ZNF892: variants seen among roughly 807,000 people sequenced by gnomAD.
ZNF892 encodes the protein zinc finger protein 570-like.
the ZNF892 span, among the ~76,000 whole-genome samples, chr2:95,206,683 G>C: frequency 2.0e-5 from 3 of 152,114 alleles, no homozygotes; most frequent in African/African-American, 4.8e-5. Context: ...GAAAAATCCT[G>C]GGAACTTCAT....
the ZNF892 span, among the ~76,000 whole-genome samples, chr2:95,206,971 G>A: frequency 6.6e-6 from 1 of 152,060 alleles, no homozygotes; most frequent in African/African-American, 2.4e-5. Context: ...AGACCTCCAG[G>A]CTCCAGCCTC....
the ZNF892 span, among the ~76,000 whole-genome samples, chr2:95,237,736 GT>G: frequency 6.6e-6 from 1 of 152,362 alleles, no homozygotes; most frequent in South Asian, 2.1e-4. Flanking sequence ...CAAAGGAAAA[GT>G]TTTTGAAGAA....
chr2:95,257,765 T>C, the ZNF892 span, among the ~76,000 whole-genome samples: 1 of 152,194 alleles, frequency 6.6e-6, no homozygotes. Flanking sequence ...GCCTCGGCAG[T>C]GGCGGGCGCC....
chr2:95,249,231 ATTTTTTTTTTTT>A, the ZNF892 span, among the ~76,000 whole-genome samples: 29 of 57,090 alleles, frequency 5.1e-4, no homozygotes, highest in African/African-American at 1.9e-3. Context: ...ATATATATAT[ATTTTTTTTTTTT>A]TTTTTTTTTT....
chr2:95,207,911 C>T, the ZNF892 span: 3 of 398,352 alleles, frequency 7.5e-6, no homozygotes, highest in East Asian at 1.1e-4. Flanking sequence ...CTGGCTGGCG[C>T]AGGCTCAGGA....
the ZNF892 span, among the ~76,000 whole-genome samples, chr2:95,256,470 G>A: frequency 2.0e-5 from 3 of 152,104 alleles, no homozygotes; most frequent in Non-Finnish European, 4.4e-5. Context: ...TCCCTTTGTG[G>A]GTAACCCGAC....
the ZNF892 span, chr2:95,214,502 A>G: frequency 2.5e-6 from 1 of 398,560 alleles, no homozygotes. Context: ...ATTTAATACA[A>G]GAGGCTGTCA....
the ZNF892 span, among the ~76,000 whole-genome samples, chr2:95,212,939 A>G: frequency 6.6e-6 from 1 of 152,244 alleles, no homozygotes; most frequent in Non-Finnish European, 1.5e-5. Flanking sequence ...ATTAAGTCCT[A>G]GTAACTTTTT....
chr2:95,211,001 A>G, the ZNF892 span, among the ~76,000 whole-genome samples: 1 of 152,110 alleles, frequency 6.6e-6, no homozygotes, highest in Non-Finnish European at 1.5e-5. Context: ...CTTCAAGCAG[A>G]TGAAAGAATG....
At chr2:95,233,204 C>G in the ZNF892 span, among the ~76,000 whole-genome samples, 1 of 143,690 alleles carries the variant, frequency 7.0e-6, no homozygotes, top group Admixed American at 7.0e-5. Flanking sequence ...TTTTCCTTTT[C>G]TTTTTTTTTT....
chr2:95,226,802 G>T, the ZNF892 span, among the ~76,000 whole-genome samples: 4 of 151,968 alleles, frequency 2.6e-5, no homozygotes, highest in Non-Finnish European at 5.9e-5. Flanking sequence ...ATTTTTAGTG[G>T]TTAGATGCAT....
the ZNF892 span, among the ~76,000 whole-genome samples, chr2:95,218,203 A>G: frequency 6.6e-6 from 1 of 152,128 alleles, no homozygotes; most frequent in African/African-American, 2.4e-5. Context: ...AAATTTTCCC[A>G]TATTTTTGTG....
chr2:95,242,828 C>T, the ZNF892 span, among the ~76,000 whole-genome samples: 1 of 151,894 alleles, frequency 6.6e-6, no homozygotes. Context: ...TCTCCCTCTC[C>T]CTCTCCCCAC....
chr2:95,241,299 C>G, the ZNF892 span, among the ~76,000 whole-genome samples: 1 of 152,244 alleles, frequency 6.6e-6, no homozygotes, highest in Non-Finnish European at 1.5e-5. Context: ...AGGCTGCCAT[C>G]TTTGCTGTTT....
At chr2:95,227,203 A>G in the ZNF892 span, among the ~76,000 whole-genome samples, 14 of 145,960 alleles carry the variant, frequency 9.6e-5, no homozygotes, top group Non-Finnish European at 1.8e-4. Context: ...CATCTGCTTT[A>G]TCTTTGTCTA....
the ZNF892 span, among the ~76,000 whole-genome samples, chr2:95,228,060 C>G: frequency 3.9e-5 from 6 of 152,340 alleles, no homozygotes; most frequent in African/African-American, 1.2e-4. Context: ...AGTTGGGACA[C>G]ACTGCATTTA....
the ZNF892 span, among the ~76,000 whole-genome samples, chr2:95,248,719 G>C: frequency 3.3e-5 from 5 of 151,776 alleles, no homozygotes; most frequent in Admixed American, 6.6e-5. Context: ...ATATTTATAA[G>C]TAAATCTATT....
the ZNF892 span, among the ~76,000 whole-genome samples, chr2:95,239,768 C>T: frequency 2.0e-5 from 3 of 152,134 alleles, no homozygotes; most frequent in African/African-American, 7.2e-5. Context: ...GCTGGGATTA[C>T]AGGCATCTGC....
chr2:95,262,430 T>A, the ZNF892 span, among the ~76,000 whole-genome samples: 1 of 152,174 alleles, frequency 6.6e-6, no homozygotes, highest in Non-Finnish European at 1.5e-5. Context: ...CCACCCTACC[T>A]GTAGCTATGT....
Sources: gnomAD v4.1 joint callset for allele counts (sites outside exome capture counted in the v4.1 genomes callset) on GRCh38, gnomAD v4.1.1 for gene constraint, MANE v1.5 for transcripts, NCBI Gene and HGNC (gene_info 2026-07-23, HGNC 2026-07-21) for gene names.